Variants in DMRT3 observed in about 807,000 individuals in gnomAD.
DMRT3 encodes the protein doublesex- and mab-3-related transcription factor 3.
Under a neutral mutation model 34.9 loss-of-function variants are expected in DMRT3, and 29 were observed. The observed-to-expected ratio is 0.83, with a 90% CI of 0.62 to 1.13. DMRT3 has a LOEUF of 1.13. Ranked by LOEUF, DMRT3 falls within the 50% of genes most tolerant of loss-of-function variation. The pLI is 0.00. For synonymous variants in DMRT3, 350 were observed against 286.0 expected, an observed-to-expected ratio of 1.22 and a Z score of -2.26; for missense variants, 772 against 629.1, an observed-to-expected ratio of 1.23 and a Z score of -2.43.
intron 1 of DMRT3, among the ~76,000 whole-genome samples, chr9:981,744 C>T (rs1820223772): frequency 6.6e-6 from 1 of 152,208 alleles, no homozygotes; most frequent in African/African-American, 2.4e-5. Context: ...GGCAGCGGCT[C>T]CTTGCGGCCG....
At chr9:984,557 C>T (rs1042953929) in intron 1 of DMRT3, among the ~76,000 whole-genome samples, 4 of 151,758 alleles carry the variant, frequency 2.6e-5, no homozygotes, top group Non-Finnish European at 4.4e-5. Flanking sequence ...CCCGGGTTCA[C>T]GCCATTCTCC....
chr9:983,077 A>G (rs527367932), intron 1 of DMRT3, among the ~76,000 whole-genome samples: 2 of 152,314 alleles, frequency 1.3e-5, no homozygotes, highest in East Asian at 1.9e-4. Flanking sequence ...TGCCTGAGCA[A>G]TGCATACTAC....
At chr9:982,123 A>AT (rs1341075367) in intron 1 of DMRT3, among the ~76,000 whole-genome samples, 1 of 152,204 alleles carries the variant, frequency 6.6e-6, no homozygotes, top group Admixed American at 6.5e-5. Context: ...ACATCCTGTT[A>AT]TTTTATCTGG....
chr9:985,050 TC>T (rs1367272446), intron 1 of DMRT3, among the ~76,000 whole-genome samples: 1 of 152,210 alleles, frequency 6.6e-6, no homozygotes, highest in Non-Finnish European at 1.5e-5. Flanking sequence ...GAAAAACTTT[TC>T]TTTTTAATTG....
intron 1 of DMRT3, among the ~76,000 whole-genome samples, chr9:987,300 T>C (rs1360665192): frequency 2.0e-5 from 3 of 152,052 alleles, no homozygotes; most frequent in Admixed American, 2.0e-4. Flanking sequence ...AGTCATACAG[T>C]ATTTGTCCTT....
intron 1 of DMRT3, 129 bp downstream of exon 1, chr9:977,584 C>A: frequency 1.1e-6 from 1 of 949,364 alleles, no homozygotes; most frequent in Non-Finnish European, 1.3e-6. Context: ...TTCCTTCCTA[C>A]TCTCCGCCAG....
intron 1 of DMRT3, among the ~76,000 whole-genome samples, chr9:978,395 G>T (rs1820178602): frequency 6.6e-6 from 1 of 152,144 alleles, no homozygotes; most frequent in African/African-American, 2.4e-5. Flanking sequence ...GTGGATATGT[G>T]TTTGGTGTTT....
chr9:990,632 T>C lies in DMRT3; in HGVS notation c.1046T>C (p.Val349Ala). The change falls in exon 2 of 2, where the codon GTT becomes GCT. Residue 349 changes from valine (V) to alanine (A), a missense_variant. Transcript: ENST00000190165. Reference sequence around the variant, plus strand: ...AGGTTTTCTGCCGACTCTAGCAACGTTGTCCCCAGTCCCTTGGCTGGGCCT... The same window carrying C: ...AGGTTTTCTGCCGACTCTAGCAACGCTGTCCCCAGTCCCTTGGCTGGGCCT... ...TLRFSADSSN[V>A]VPSPLAGPLQ... 1 of 1,614,170 alleles carries C rather than the reference T, an allele frequency of 6.2e-7. No individual in the cohort carries two copies. Among genetic ancestry groups the C allele is most frequent in the African/African-American group, 1.3e-5 (1 of 75,048 alleles).
At chr9:977,479 G>C in intron 1 of DMRT3, 24 bp downstream of exon 1, 1 of 1,274,686 alleles carries the variant, frequency 7.8e-7, no homozygotes, top group Non-Finnish European at 9.9e-7. Flanking sequence ...AGGTGCGGGA[G>C]TTTGGCCGGG....
Position 976,907 on chromosome 9 carries a change from G to T in DMRT3, c.-95G>T. On this transcript the variant is annotated 5_prime_UTR_variant, in exon 1 of 2. Coordinates refer to ENST00000190165, the MANE Select transcript of DMRT3 (RefSeq NM_021240.4). The surrounding 1 kb of genome is among the most constrained non-coding windows in gnomAD (Gnocchi z 4.5). ...GCGGGACCAAGGGCCGCGTCGCCCG[G>T]AGGCCGCCCCTGAGCGGGCCTCGCA... 1 of 1,311,332 alleles carries T rather than the reference G, an allele frequency of 7.6e-7. No individual in the cohort carries two copies. 81.2% of individuals were successfully genotyped at this position (1,311,332 alleles called of 1,614,324 possible).
chr9:985,796 G>A (rs910931487), intron 1 of DMRT3, among the ~76,000 whole-genome samples: 2 of 152,194 alleles, frequency 1.3e-5, no homozygotes, highest in Non-Finnish European at 2.9e-5. Context: ...TGTTGATGGG[G>A]ATTTGGCTCA....
At chr9:987,151 C>T (rs1441374025) in intron 1 of DMRT3, among the ~76,000 whole-genome samples, 1 of 152,152 alleles carries the variant, frequency 6.6e-6, no homozygotes, top group Non-Finnish European at 1.5e-5. Context: ...CATCCATCTT[C>T]AGAACCTTTT....
intron 1 of DMRT3, 115 bp from the exon 2 acceptor site, chr9:989,926 A>G: frequency 7.4e-7 from 1 of 1,343,584 alleles, no homozygotes; most frequent in Non-Finnish European, 1.0e-6. Context: ...GTATATTATG[A>G]CCCATTGAGA....
At chr9:987,933 A>C (rs1820305793) in intron 1 of DMRT3, among the ~76,000 whole-genome samples, 1 of 152,208 alleles carries the variant, frequency 6.6e-6, no homozygotes, top group African/African-American at 2.4e-5. Context: ...TAATAGAGTA[A>C]CAGCCAAGAA....
chr9:977,483 G>C, intron 1 of DMRT3, 28 bp downstream of exon 1: 1 of 1,270,680 alleles, frequency 7.9e-7, no homozygotes, highest in Non-Finnish European at 9.9e-7. Flanking sequence ...GCGGGAGTTT[G>C]GCCGGGCGCG....
At chr9:989,829 A>G in intron 1 of DMRT3, 2 of 559,088 alleles carry the variant, frequency 3.6e-6, no homozygotes, top group South Asian at 2.6e-5. Context: ...CATTCCAGGA[A>G]GCCACTCTGA....
intron 1 of DMRT3, among the ~76,000 whole-genome samples, chr9:980,813 G>A (rs1820207486): frequency 6.6e-6 from 1 of 152,108 alleles, no homozygotes; most frequent in Non-Finnish European, 1.5e-5. Context: ...AAGGGTCACT[G>A]CCAAGGTGAA....
At chr9:983,047 G>A (rs563794562) in intron 1 of DMRT3, among the ~76,000 whole-genome samples, 2 of 152,270 alleles carry the variant, frequency 1.3e-5, no homozygotes, top group Admixed American at 1.3e-4. Context: ...GTCCCACATC[G>A]CCTTAGTGAG....
intron 1 of DMRT3, chr9:989,789 T>G: frequency 2.5e-6 from 1 of 403,428 alleles, no homozygotes; most frequent in South Asian, 3.9e-5. Flanking sequence ...GTAGCCATTC[T>G]ATGTTGAAGG....
Sources: gnomAD v4.1 joint callset for allele counts (sites outside exome capture counted in the v4.1 genomes callset) on GRCh38, gnomAD v4.1.1 for gene constraint, Gnocchi (gnomAD v3.1) non-coding constraint, MANE v1.5 for transcripts, NCBI Gene and HGNC (gene_info 2026-07-23, HGNC 2026-07-21) for gene names.